Variants in COX10 observed in about 807,000 individuals in gnomAD.
The protein encoded by COX10 is protoheme IX farnesyltransferase, mitochondrial.
COX10 carries 27 observed loss-of-function variants against 37.3 expected under a neutral mutation model. That is an observed-to-expected ratio of 0.72 (90% CI 0.53 to 1.00). The LOEUF (loss-of-function observed/expected upper bound fraction) is 1.00. Among genes scored for constraint, COX10 ranks in the 50% least tolerant of loss-of-function variants. COX10 has a pLI of 0.00. For missense variants in COX10, 475 were observed against 563.2 expected (o/e 0.84, Z 1.59); for synonymous variants, 222 against 229.1 (o/e 0.97, Z 0.28).
chr17:14,153,601 C>T (rs1046527831), intron 4 of COX10, among the ~76,000 whole-genome samples: 1 of 152,150 alleles, frequency 6.6e-6, no homozygotes, highest in Non-Finnish European at 1.5e-5. Context: ...ACACTTTGTC[C>T]TTACCACATA....
Position 14,207,908 on chromosome 17 carries a change from T to C in COX10, c.*695T>C, listed in dbSNP as rs2142274326. 6.6e-6 allele frequency: 1 copy of C among 152,552 alleles called. No homozygotes were observed. The highest frequency in any genetic ancestry group is 6.5e-5 in the Admixed American group (1 of 15,312). The allele number at this position is 152,552 out of a possible 1,614,324, so 9.4% of individuals were successfully genotyped here. On this transcript the variant is annotated 3_prime_UTR_variant, in exon 7 of 7. Transcript: ENST00000261643. ...CTCCAAGGAGTCACAGGCATCTTTA[T>C]AGTTCACGTTAACATATAGACACTG...
At chr17:14,157,171 T>C (rs917206512) in intron 4 of COX10, among the ~76,000 whole-genome samples, 5 of 152,222 alleles carry the variant, frequency 3.3e-5, no homozygotes, top group African/African-American at 4.8e-5. Flanking sequence ...TTGTGCGCCT[T>C]AAAAACAGGT....
rs111565730 is a variant in COX10 at position 14,135,294 on chromosome 17, T to C, written c.625-24583T>C. Among the ~76,000 whole-genome samples the C allele has an allele frequency of 2.3e-3, 345 of 152,032 alleles. 3 individuals are homozygous for C. The highest frequency in any genetic ancestry group is 7.1e-3 in the African/African-American group (293 of 41,542). On this transcript the variant is annotated intron_variant, in intron 4 of 6. Coordinates refer to ENST00000261643, the MANE Select transcript of COX10 (RefSeq NM_001303.4). ...ATCTTTGAATAATTTTGGTAACCAATATTTTAATTATAAAATTTCTTTGGA... is the reference window on the plus strand; with the variant it reads ...ATCTTTGAATAATTTTGGTAACCAACATTTTAATTATAAAATTTCTTTGGA...
At chr17:14,134,696 A>G (rs1313527459) in intron 4 of COX10, among the ~76,000 whole-genome samples, 1 of 151,802 alleles carries the variant, frequency 6.6e-6, no homozygotes, top group East Asian at 1.9e-4. Flanking sequence ...CAGCACTGCT[A>G]TTTAACTTTA....
At chr17:14,197,415 C>T (rs879301486) in intron 6 of COX10, among the ~76,000 whole-genome samples, 5 of 152,198 alleles carry the variant, frequency 3.3e-5, no homozygotes, top group Non-Finnish European at 1.5e-5. Context: ...TAAGGATGTT[C>T]CATGGGATTC....
Position 14,102,221 on chromosome 17 carries a change from T to G in COX10, c.603T>G (p.Cys201Trp). The change falls in exon 4 of 7, where the codon TGT (cysteine) becomes TGG (tryptophan). Residue 201 changes from cysteine (C) to tryptophan (W), a missense_variant. By Grantham distance (215) the Cys-to-Trp change is radical. Coordinates refer to ENST00000261643, the MANE Select transcript of COX10 (RefSeq NM_001303.4). ...LTSVGTGLAS[C>W]AANSINQFFE... is the part of the protein sequence containing the mutation. The stretch of plus-strand genomic sequence containing the variant: ...CTGTTGGGACAGGCCTTGCATCCTG[T>G]GCTGCCAACTCCATCAATCAGGTCA... 5.0e-6 allele frequency: 8 copies of G among 1,613,752 alleles called. No individual in the cohort carries two copies. Among genetic ancestry groups the G allele is most frequent in the Non-Finnish European group, 6.8e-6 (8 of 1,179,712 alleles).
chr17:14,102,029 A>T, intron 3 of COX10, 89 bp from the exon 4 acceptor site: 1 of 1,513,872 alleles, frequency 6.6e-7, no homozygotes, highest in Non-Finnish European at 9.2e-7. Flanking sequence ...ATTAGTTTAT[A>T]TGAAGGATGG....
Position 14,207,191 on chromosome 17 carries a change from A to T in COX10, c.1310A>T (p.Asp437Val), listed in dbSNP as rs1456112529. The change falls in exon 7 of 7, where the codon GAC becomes GTC. Residue 437 changes from aspartate to valine, a missense_variant. Asp to Val is a radical substitution (Grantham distance 152). Coordinates refer to ENST00000261643, the MANE Select transcript of COX10 (RefSeq NM_001303.4). Reference protein sequence around the residue: ...LTCKRPSGGGDAGPPPS With the variant: ...LTCKRPSGGGVAGPPPS The stretch of plus-strand genomic sequence containing the variant: ...TGCAAGCGGCCGAGCGGAGGCGGGG[A>T]CGCAGGGCCCCCTCCCAGCTGAGAG... 6.3e-7 allele frequency: 1 copy of T among 1,599,942 alleles called. No individual in the cohort carries two copies. Among genetic ancestry groups the T allele is most frequent in the Non-Finnish European group, 8.5e-7 (1 of 1,175,340 alleles).
At chr17:14,183,489 A>C (rs1212326386) in intron 5 of COX10, among the ~76,000 whole-genome samples, 2 of 152,292 alleles carry the variant, frequency 1.3e-5, no homozygotes, top group East Asian at 3.9e-4. Flanking sequence ...AGAGATATTA[A>C]TTCCTCTGTT....
intron 4 of COX10, among the ~76,000 whole-genome samples, chr17:14,138,171 C>T (rs1275314092): frequency 6.6e-6 from 1 of 152,016 alleles, no homozygotes; most frequent in African/African-American, 2.4e-5. Flanking sequence ...TTCAATAATA[C>T]ACACATGCAC....
chr17:14,183,151 ATCTC>A (rs1344799781), intron 5 of COX10, among the ~76,000 whole-genome samples: 3 of 149,896 alleles, frequency 2.0e-5, no homozygotes, highest in Non-Finnish European at 4.4e-5. Flanking sequence ...AGGTAGAAAA[ATCTC>A]AAGCAGTGAT....
intron 5 of COX10, among the ~76,000 whole-genome samples, chr17:14,169,103 C>A (rs1905378062): frequency 6.6e-6 from 1 of 152,170 alleles, no homozygotes; most frequent in Non-Finnish European, 1.5e-5. Flanking sequence ...CAGAAAAAGC[C>A]AGGTCACCTC....
intron 4 of COX10, among the ~76,000 whole-genome samples, chr17:14,126,685 G>A (rs2142216366): frequency 6.6e-6 from 1 of 152,226 alleles, no homozygotes; most frequent in East Asian, 1.9e-4. Flanking sequence ...TTAGGGTGTT[G>A]GTGGCAGGGG....
intron 3 of COX10, among the ~76,000 whole-genome samples, chr17:14,080,306 C>T (rs1267112128): frequency 6.8e-6 from 1 of 146,388 alleles, no homozygotes; most frequent in Non-Finnish European, 1.5e-5. Context: ...TCACTGCAAG[C>T]TCCGCCTCCC....
At chr17:14,155,361 C>G (rs1905014783) in intron 4 of COX10, among the ~76,000 whole-genome samples, 1 of 148,124 alleles carries the variant, frequency 6.8e-6, no homozygotes, top group Admixed American at 6.7e-5. Context: ...AATCAAGTGA[C>G]ATTACAGAAT....
chr17:14,205,953 A>G (rs1051422918), intron 6 of COX10, among the ~76,000 whole-genome samples: 1 of 152,128 alleles, frequency 6.6e-6, no homozygotes, highest in Non-Finnish European at 1.5e-5. Flanking sequence ...TCAGGGTGTT[A>G]TGTCCTTGTT....
Position 14,206,839 on chromosome 17 carries a change from T to C in COX10, c.958T>C (p.Ser320Pro). The change falls in exon 7 of 7, where the codon TCC (serine) becomes CCC (proline). Residue 320 changes from serine (S) to proline (P), a missense_variant. By Grantham distance (74) the Ser-to-Pro change is moderately conservative. Around this residue, in one of 5 missense-constraint regions of COX10, gnomAD observed 160 missense variants for 180.6 expected, o/e 0.89. Coordinates refer to ENST00000261643, the MANE Select transcript of COX10 (RefSeq NM_001303.4). ...GAFLLGGILY[S>P]WQFPHFNALS... is the part of the protein sequence containing the mutation. ...ATTTCTCCTGGGAGGAATCCTCTAC[T>C]CCTGGCAGTTTCCTCATTTCAACGC... The C allele has an allele frequency of 6.2e-7, 1 of 1,614,154 alleles. No homozygotes were observed. The highest frequency in any genetic ancestry group is 8.5e-7 in the Non-Finnish European group (1 of 1,180,012).
At chr17:14,130,015 TCTC>T (rs1597512467) in intron 4 of COX10, among the ~76,000 whole-genome samples, 1 of 152,154 alleles carries the variant, frequency 6.6e-6, no homozygotes, top group African/African-American at 2.4e-5. Flanking sequence ...TTTCCTTTCT[TCTC>T]TTCCTGGGAG....
intron 3 of COX10, among the ~76,000 whole-genome samples, chr17:14,091,801 TC>T (rs1159917977): frequency 5.3e-5 from 8 of 152,192 alleles, no homozygotes; most frequent in African/African-American, 1.9e-4. Context: ...TAAGTGTTTA[TC>T]TTGTACAATA....
Sources: allele counts gnomAD v4.1 joint callset (sites outside exome capture counted in the v4.1 genomes callset), GRCh38; gene constraint gnomAD v4.1.1; regional missense constraint gnomAD v4.1.1; transcripts MANE v1.5; gene names NCBI Gene and HGNC (gene_info 2026-07-23, HGNC 2026-07-21).